The following NRG3 variants were observed in gnomAD, a reference collection of about 807,000 sequenced individuals.
NRG3 encodes pro-neuregulin-3, membrane-bound isoform.
In NRG3, 31 loss-of-function variants were observed where a neutral mutation model predicts 66.9. The observed-to-expected ratio is 0.46, with a 90% CI of 0.35 to 0.63. The LOEUF (loss-of-function observed/expected upper bound fraction) is 0.63, where lower values mean the gene tolerates loss of function less well. NRG3 is among the 20% of genes least tolerant of loss of function. NRG3 has a pLI of 0.00. For synonymous variants in NRG3, 393 were observed against 359.4 expected, an observed-to-expected ratio of 1.09 and a Z score of -1.06; for missense variants, 910 against 878.9, an observed-to-expected ratio of 1.04 and a Z score of -0.45.
chr10:82,648,493 T>C (rs565709757), intron 2 of NRG3, among the ~76,000 whole-genome samples: 1 of 152,238 alleles, frequency 6.6e-6, no homozygotes, highest in African/African-American at 2.4e-5. Context: ...TTGCGGGCTC[T>C]TTTTTGGTTC....
chr10:82,970,950 C>T (rs1453205809), intron 6 of NRG3, among the ~76,000 whole-genome samples: 1 of 152,098 alleles, frequency 6.6e-6, no homozygotes, highest in Non-Finnish European at 1.5e-5. Flanking sequence ...TTATTTGGCT[C>T]ACAGTTCTGT....
intron 4 of NRG3, among the ~76,000 whole-genome samples, chr10:82,936,233 G>T (rs2132216489): frequency 6.6e-6 from 1 of 152,296 alleles, no homozygotes; most frequent in South Asian, 2.1e-4. Context: ...GTAATGAAAG[G>T]ATATTCTTAG....
At chr10:82,276,317 A>G (rs1207523316) in intron 1 of NRG3, among the ~76,000 whole-genome samples, 2 of 152,000 alleles carry the variant, frequency 1.3e-5, no homozygotes, top group Non-Finnish European at 2.9e-5. Context: ...ATGAAATCTC[A>G]TTCTACAAAA....
At chr10:82,693,247 C>CCA (rs2055088687) in intron 2 of NRG3, among the ~76,000 whole-genome samples, 1 of 152,142 alleles carries the variant, frequency 6.6e-6, no homozygotes, top group Non-Finnish European at 1.5e-5. Flanking sequence ...CAACAGCATT[C>CCA]ATTTATTTTA....
At chr10:82,844,853 G>C (rs1307391210) in intron 3 of NRG3, among the ~76,000 whole-genome samples, 5 of 152,032 alleles carry the variant, frequency 3.3e-5, no homozygotes, top group African/African-American at 2.4e-5. Context: ...AAATAGGTTG[G>C]AAATTTAAAG....
chr10:82,493,061 C>A (rs1211567391), intron 2 of NRG3, among the ~76,000 whole-genome samples: 1 of 151,866 alleles, frequency 6.6e-6, no homozygotes, highest in African/African-American at 2.4e-5. Flanking sequence ...CAAGCGCAGT[C>A]CAGGTGCCTG....
chr10:82,493,796 C>G (rs368488104), intron 2 of NRG3, among the ~76,000 whole-genome samples: 8 of 152,282 alleles, frequency 5.3e-5, no homozygotes, highest in African/African-American at 1.9e-4. Context: ...AAACTATCAT[C>G]AGAGGAAACA....
At chr10:82,757,137 G>A (rs1382324491) in intron 3 of NRG3, among the ~76,000 whole-genome samples, 5 of 152,002 alleles carry the variant, frequency 3.3e-5, no homozygotes, top group African/African-American at 9.7e-5. Flanking sequence ...TATGAAAAGT[G>A]TGTCTTAGAC....
At chr10:81,956,555 A>G (rs1849853020) in intron 1 of NRG3, among the ~76,000 whole-genome samples, 1 of 152,126 alleles carries the variant, frequency 6.6e-6, no homozygotes, top group Admixed American at 6.5e-5. Flanking sequence ...ACACCCATAT[A>G]TCCTGTAACT....
chr10:82,056,452 A>G (rs1221595737), intron 1 of NRG3, among the ~76,000 whole-genome samples: 2 of 152,166 alleles, frequency 1.3e-5, no homozygotes, highest in African/African-American at 2.4e-5. Flanking sequence ...TTTAGATACA[A>G]TTATAGAAGT....
chr10:82,757,668 G>C (rs895127564), intron 3 of NRG3, among the ~76,000 whole-genome samples: 1 of 152,078 alleles, frequency 6.6e-6, no homozygotes, highest in African/African-American at 2.4e-5. Context: ...CCCTTTGAGA[G>C]TGAAAGGAGA....
At chr10:82,362,546 G>GTTTT (rs1564840125) in intron 2 of NRG3, among the ~76,000 whole-genome samples, 4 of 91,284 alleles carry the variant, frequency 4.4e-5, no homozygotes, top group East Asian at 3.6e-4. Context: ...GATAATTTCT[G>GTTTT]GGTTTTTTTT....
At chr10:82,230,038 G>T (rs1413996489) in intron 1 of NRG3, 1 of 152,116 alleles carries the variant, frequency 6.6e-6, no homozygotes. Flanking sequence ...TAAGTGGTGT[G>T]CCTGAAAAGG....
At chr10:82,554,407 A>T (rs1014869387) in intron 2 of NRG3, among the ~76,000 whole-genome samples, 2 of 152,162 alleles carry the variant, frequency 1.3e-5, no homozygotes, top group Non-Finnish European at 2.9e-5. Context: ...ACATCCAACG[A>T]TTATGTGTCA....
intron 2 of NRG3, among the ~76,000 whole-genome samples, chr10:82,638,468 C>T (rs2050343004): frequency 6.6e-6 from 1 of 152,070 alleles, no homozygotes; most frequent in Non-Finnish European, 1.5e-5. Flanking sequence ...CATTTATTAA[C>T]ACAGCCTTAC....
intron 2 of NRG3, among the ~76,000 whole-genome samples, chr10:82,416,727 G>T (rs2088606851): frequency 6.6e-6 from 1 of 152,062 alleles, no homozygotes; most frequent in African/African-American, 2.4e-5. Context: ...AGTGATTTTT[G>T]AATAAATCTT....
intron 1 of NRG3, among the ~76,000 whole-genome samples, chr10:81,997,558 A>G (rs1466730546): frequency 6.6e-6 from 1 of 152,010 alleles, no homozygotes; most frequent in African/African-American, 2.4e-5. Context: ...CCCGAATTCC[A>G]ATTAGCCCAG....
chr10:82,683,989 C>G (rs1181033939), intron 2 of NRG3, among the ~76,000 whole-genome samples: 2 of 151,346 alleles, frequency 1.3e-5, no homozygotes, highest in African/African-American at 2.4e-5. Flanking sequence ...TCTTTGCAAA[C>G]AGGAGGCTTC....
rs1554839695 is a variant in NRG3, at chr10:82,170,654, G to GTGTATATATATATATATATATA, written c.824-188084_824-188083insGTATATATATATATATATATAT. Among the ~76,000 whole-genome samples the GTGTATATATATATATATATATA allele has an allele frequency of 2.4e-4, 18 of 74,220 alleles. 2 individuals carry two copies. Among genetic ancestry groups the GTGTATATATATATATATATATA allele is most frequent in the Non-Finnish European group, 4.9e-4 (16 of 32,642 alleles). The allele number at this position is 74,220 out of a possible 152,430, so 48.7% of individuals were successfully genotyped here. A position where few individuals can be genotyped will look rare whatever the true frequency, so the allele number is the denominator to read the frequency against. ...TGAGATGATGTTTATAAAACTTGTG[G>GTGTATATATATATATATATATA]TATATATATATATATATATATATAT... On this transcript the variant is annotated intron_variant, in intron 1 of 8. Coordinates refer to ENST00000372141, the MANE Select transcript of NRG3 (RefSeq NM_001010848.4).
Sources: gnomAD v4.1 joint callset for allele counts (sites outside exome capture counted in the v4.1 genomes callset) on GRCh38, gnomAD v4.1.1 for gene constraint, MANE v1.5 for transcripts, NCBI Gene and HGNC (gene_info 2026-07-23, HGNC 2026-07-21) for gene names.